Variants in DTD1 observed in about 807,000 individuals in gnomAD.
DTD1 encodes D-aminoacyl-tRNA deacylase 1, also known as D-tyrosyl-tRNA deacylase 1 homolog.
Under a neutral mutation model 25.6 loss-of-function variants are expected in DTD1, and 13 were observed. The ratio of observed to expected loss-of-function variants is 0.51; its 90% CI spans 0.33 to 0.81. DTD1 has a LOEUF of 0.81. DTD1 is among the 30% of genes least tolerant of loss of function. DTD1 has a pLI of 0.02. For synonymous variants in DTD1, 110 were observed against 103.6 expected, an observed-to-expected ratio of 1.06 and a Z score of -0.37; for missense variants, 193 against 266.4, an observed-to-expected ratio of 0.72 and a Z score of 1.92.
intron 4 of DTD1, among the ~76,000 whole-genome samples, chr20:18,689,892 C>T (rs1394510746): frequency 1.6e-4 from 1 of 6,194 alleles, no homozygotes; most frequent in Non-Finnish European, 1.6e-3. Flanking sequence ...GTCCTAACTA[C>T]TTGGGAGGCT....
intron 5 of DTD1, among the ~76,000 whole-genome samples, chr20:18,757,798 G>T (rs1036048016): frequency 6.6e-6 from 1 of 152,078 alleles, no homozygotes; most frequent in Non-Finnish European, 1.5e-5. Context: ...AATGAGTTAG[G>T]GAGGATTCCC....
At chr20:18,707,105 G>A (rs1004336891) in intron 4 of DTD1, among the ~76,000 whole-genome samples, 7 of 152,216 alleles carry the variant, frequency 4.6e-5, no homozygotes, top group Admixed American at 1.3e-4. Flanking sequence ...TCACCTGGAT[G>A]TTCATCACCT....
intron 4 of DTD1, among the ~76,000 whole-genome samples, chr20:18,739,890 G>A (rs1166799269): frequency 1.3e-5 from 2 of 152,206 alleles, no homozygotes; most frequent in East Asian, 3.9e-4. Flanking sequence ...TTTGCGGCAT[G>A]GAGCCATATG....
intron 5 of DTD1, among the ~76,000 whole-genome samples, chr20:18,761,834 C>A (rs972042420): frequency 2.0e-5 from 3 of 152,200 alleles, no homozygotes; most frequent in Non-Finnish European, 4.4e-5. Flanking sequence ...GGGTTAACAT[C>A]ATCCACACAA....
chr20:18,761,316 A>G (rs1211675320), intron 5 of DTD1, among the ~76,000 whole-genome samples: 2 of 152,032 alleles, frequency 1.3e-5, no homozygotes, highest in Non-Finnish European at 2.9e-5. Flanking sequence ...TGCGTGGCTC[A>G]CACTGGGAGG....
intron 3 of DTD1, among the ~76,000 whole-genome samples, chr20:18,621,678 T>TGTATG (rs2060734491): frequency 6.6e-6 from 1 of 152,216 alleles, no homozygotes; most frequent in Admixed American, 6.5e-5. Context: ...AAATGATCTG[T>TGTATG]GTATGCTAAA....
chr20:18,628,106 C>T (rs2060766747), intron 3 of DTD1, 21 bp from the exon 4 acceptor site: 7 of 1,605,398 alleles, frequency 4.4e-6, no homozygotes, highest in Non-Finnish European at 6.0e-6. Flanking sequence ...TCTTTGGTAA[C>T]TGTTTGGATT....
intron 4 of DTD1, among the ~76,000 whole-genome samples, chr20:18,640,893 A>C (rs531956222): frequency 1.1e-4 from 16 of 152,260 alleles, no homozygotes; most frequent in South Asian, 8.3e-4. Flanking sequence ...GGCCTCCCAA[A>C]GTGCTGGGAT....
intron 3 of DTD1, among the ~76,000 whole-genome samples, chr20:18,600,286 T>C (rs767825615): frequency 1.3e-5 from 2 of 152,200 alleles, no homozygotes; most frequent in Non-Finnish European, 2.9e-5. Context: ...TTGTGAAGGG[T>C]CTGTGGTCTT....
chr20:18,706,537 AT>A (rs2061127098), intron 4 of DTD1, among the ~76,000 whole-genome samples: 1 of 152,166 alleles, frequency 6.6e-6, no homozygotes, highest in Non-Finnish European at 1.5e-5. Flanking sequence ...TTCAAGTTGA[AT>A]TTGGAAGAGA....
intron 4 of DTD1, among the ~76,000 whole-genome samples, chr20:18,635,887 C>G (rs1011697413): frequency 6.6e-6 from 1 of 152,074 alleles, no homozygotes; most frequent in Non-Finnish European, 1.5e-5. Flanking sequence ...AAGGAAATTG[C>G]AAAAATTGAA....
intron 4 of DTD1, among the ~76,000 whole-genome samples, chr20:18,723,280 G>T (rs1328742351): frequency 1.3e-5 from 2 of 152,214 alleles, no homozygotes; most frequent in African/African-American, 4.8e-5. Context: ...GAGACAGGAG[G>T]AGTGCTAAGT....
intron 4 of DTD1, among the ~76,000 whole-genome samples, chr20:18,669,271 A>T (rs1568663692): frequency 6.6e-6 from 1 of 152,168 alleles, no homozygotes; most frequent in Non-Finnish European, 1.5e-5. Context: ...AGGGTTTGCC[A>T]GCAGGGTCCC....
chr20:18,683,178 C>T (rs1396288314), intron 4 of DTD1, among the ~76,000 whole-genome samples: 2 of 152,104 alleles, frequency 1.3e-5, no homozygotes, highest in Admixed American at 6.5e-5. Context: ...TAGGGCACTG[C>T]GCATATGACA....
At chr20:18,661,250 A>G (rs2060908536) in intron 4 of DTD1, among the ~76,000 whole-genome samples, 1 of 152,190 alleles carries the variant, frequency 6.6e-6, no homozygotes, top group South Asian at 2.1e-4. Flanking sequence ...CTTTCTGTAT[A>G]AATTTTAGAA....
intron 4 of DTD1, among the ~76,000 whole-genome samples, chr20:18,661,720 G>A (rs1469412957): frequency 6.6e-6 from 1 of 151,924 alleles, no homozygotes; most frequent in African/African-American, 2.4e-5. Flanking sequence ...ATGAAACTTT[G>A]TTTAAACAAA....
At chr20:18,642,620 C>G (rs182190086) in intron 4 of DTD1, among the ~76,000 whole-genome samples, 3 of 152,038 alleles carry the variant, frequency 2.0e-5, no homozygotes, top group African/African-American at 4.8e-5. Flanking sequence ...GCAGAAGGAT[C>G]GACTCCCAGG....
chr20:18,627,993 C>T, intron 3 of DTD1, 134 bp from the exon 4 acceptor site: 1 of 722,296 alleles, frequency 1.4e-6, no homozygotes, highest in Non-Finnish European at 2.2e-6. Flanking sequence ...GTCCGTTAAA[C>T]CTCTTTCTTT....
intron 3 of DTD1, among the ~76,000 whole-genome samples, chr20:18,621,951 C>A (rs927950825): frequency 6.6e-6 from 1 of 151,938 alleles, no homozygotes; most frequent in African/African-American, 2.4e-5. Context: ...GTAGTCCCAG[C>A]TACTCGGGAG....
Sources: gnomAD v4.1 joint callset for allele counts (sites outside exome capture counted in the v4.1 genomes callset) on GRCh38, gnomAD v4.1.1 for gene constraint, MANE v1.5 for transcripts, NCBI Gene and HGNC (gene_info 2026-07-23, HGNC 2026-07-21) for gene names.